Variants in ZFHX3 observed in about 807,000 individuals in gnomAD.
ZFHX3 encodes zinc finger homeobox protein 3.
Under a neutral mutation model 279.1 loss-of-function variants are expected in ZFHX3, and 42 were observed. The observed-to-expected ratio is 0.15, with a 90% CI of 0.12 to 0.19. The LOEUF is 0.19. Among genes scored for constraint, ZFHX3 ranks in the 10% least tolerant of loss-of-function variants. The pLI, the probability that ZFHX3 is intolerant of heterozygous loss-of-function variation, is 1.00. For missense variants in ZFHX3, 4,981 were observed against 4,754.0 expected (o/e 1.05, Z -1.40); for synonymous variants, 2,293 against 1,957.8 (o/e 1.17, Z -4.52).
intron 3 of ZFHX3, among the ~76,000 whole-genome samples, chr16:72,946,539 T>C (rs1960685963): frequency 6.6e-6 from 1 of 151,890 alleles, no homozygotes; most frequent in South Asian, 2.1e-4. Context: ...ATGGTGGGAG[T>C]GTGCACTGAT....
At chr16:73,549,356 T>C (rs1451773293) in intron 2 of ZFHX3, among the ~76,000 whole-genome samples, 1 of 152,148 alleles carries the variant, frequency 6.6e-6, no homozygotes, top group Non-Finnish European at 1.5e-5. Context: ...TATATATTTT[T>C]ATCCACATCA....
At chr16:73,007,988 A>G (rs1963775849) in intron 1 of ZFHX3, among the ~76,000 whole-genome samples, 1 of 152,066 alleles carries the variant, frequency 6.6e-6, no homozygotes, top group East Asian at 1.9e-4. Context: ...TCTTTTCTTA[A>G]TTAAACATGA....
intron 5 of ZFHX3, among the ~76,000 whole-genome samples, chr16:73,193,608 C>A (rs903791784): frequency 2.6e-5 from 4 of 152,154 alleles, no homozygotes; most frequent in South Asian, 2.1e-4. Context: ...GTTCCTTAGA[C>A]CCTCAGTTCT....
intron 7 of ZFHX3, chr16:72,807,865 A>G (rs1597257849): frequency 6.6e-6 from 1 of 152,182 alleles, no homozygotes; most frequent in Admixed American, 6.5e-5. Context: ...AAGAAGATTC[A>G]CTCTTGCTGC....
intron 3 of ZFHX3, among the ~76,000 whole-genome samples, chr16:73,440,037 G>A (rs749707771): frequency 9.9e-5 from 15 of 151,844 alleles, no homozygotes; most frequent in South Asian, 4.2e-4. Context: ...AGTCAAGTGC[G>A]TTGTTCACAG....
intron 1 of ZFHX3, among the ~76,000 whole-genome samples, chr16:73,803,942 T>C (rs1047207880): frequency 5.3e-5 from 8 of 152,146 alleles, no homozygotes; most frequent in African/African-American, 1.9e-4. Context: ...TGCAGATGGC[T>C]TGAGCCCAGG....
intron 3 of ZFHX3, among the ~76,000 whole-genome samples, chr16:73,334,841 A>C (rs1451987621): frequency 5.3e-5 from 3 of 56,850 alleles, no homozygotes; most frequent in South Asian, 6.4e-4. Flanking sequence ...TTTTTTGCAA[A>C]ATGAATGCTT....
rs560021000 is a variant in ZFHX3, at chr16:73,556,891, C to G, written c.-1546-100633G>C. Reference sequence around the variant, plus strand: ...CAGGCAGATCACGAGGTCAAGGGATCGAGACCATCCTGGCTCACATGGTGA... The same window carrying G: ...CAGGCAGATCACGAGGTCAAGGGATGGAGACCATCCTGGCTCACATGGTGA... On this transcript the variant is annotated intron_variant, in intron 2 of 17. Coordinates refer to the ZFHX3 transcript ENST00000641206. Among the ~76,000 whole-genome samples, 152 of 151,794 alleles carry G rather than the reference C, an allele frequency of 1.0e-3. 2 individuals are homozygous for G. The South Asian group carries it at 0.031, about 31-fold the overall frequency.
chr16:73,865,315 G>A (rs183772049), intron 1 of ZFHX3, among the ~76,000 whole-genome samples: 59 of 152,304 alleles, frequency 3.9e-4, no homozygotes, highest in African/African-American at 1.3e-3. Context: ...TGGAATCTAT[G>A]CAAATAGGCC....
At chr16:72,962,880 GA>G (rs1392958870) in intron 1 of ZFHX3, among the ~76,000 whole-genome samples, 6 of 152,202 alleles carry the variant, frequency 3.9e-5, no homozygotes, top group Admixed American at 6.5e-5. Context: ...AGATGGAGAA[GA>G]GGGGGACGCG....
chr16:73,566,481 C>T (rs893720231), intron 2 of ZFHX3, among the ~76,000 whole-genome samples: 3 of 152,160 alleles, frequency 2.0e-5, no homozygotes, highest in Non-Finnish European at 4.4e-5. Context: ...ATGCCACACT[C>T]CTAGCTTCTG....
chr16:73,330,607 G>C lies in ZFHX3; in HGVS notation c.-1290-12271C>G, dbSNP rs545854711. Among the ~76,000 whole-genome samples, 3 of 152,282 alleles carry C rather than the reference G, an allele frequency of 2.0e-5. No homozygotes were observed. In the East Asian group the frequency reaches 5.8e-4, roughly 29 times the overall value. On this transcript the variant is annotated intron_variant, in intron 3 of 17. Transcript: ENST00000641206. ...TGGCTGAACTTTGAAGTGGGCTTGA[G>C]CAAGAAAAAGCTTCTAGGCTGATGG...
At chr16:72,863,460 A>C (rs2037935957) in intron 4 of ZFHX3, among the ~76,000 whole-genome samples, 1 of 151,792 alleles carries the variant, frequency 6.6e-6, no homozygotes, top group Admixed American at 6.6e-5. Flanking sequence ...CAAGGCTGTA[A>C]AGAGCTATGA....
intron 1 of ZFHX3, among the ~76,000 whole-genome samples, chr16:73,031,993 G>GA (rs980631848): frequency 7.9e-4 from 117 of 148,264 alleles, no homozygotes; most frequent in African/African-American, 1.6e-3. Context: ...AGCCCCTAAA[G>GA]AAAAAAAAAA....
intron 1 of ZFHX3, among the ~76,000 whole-genome samples, chr16:73,729,553 CCA>C (rs1491487857): frequency 6.4e-4 from 20 of 31,224 alleles, no homozygotes; most frequent in East Asian, 1.3e-3. Flanking sequence ...AACAAACAAA[CCA>C]AAAAAAAAAA....
intron 3 of ZFHX3, among the ~76,000 whole-genome samples, chr16:72,932,269 T>A (rs1018995093): frequency 6.6e-6 from 1 of 152,132 alleles, no homozygotes; most frequent in East Asian, 1.9e-4. Flanking sequence ...TGGGACAATA[T>A]GATAAAATTA....
chr16:73,385,991 G>C (rs1301565224), intron 3 of ZFHX3, among the ~76,000 whole-genome samples: 2 of 152,048 alleles, frequency 1.3e-5, no homozygotes, highest in East Asian at 1.9e-4. Flanking sequence ...TGAAATGGTG[G>C]GGGGTGGGGG....
intron 2 of ZFHX3, among the ~76,000 whole-genome samples, chr16:73,466,220 G>T (rs904245481): frequency 6.6e-6 from 1 of 152,016 alleles, no homozygotes; most frequent in Non-Finnish European, 1.5e-5. Context: ...GGTGGCTCAT[G>T]CCTGTAATCC....
intron 1 of ZFHX3, among the ~76,000 whole-genome samples, chr16:73,839,697 G>T (rs539283549): frequency 9.2e-4 from 140 of 152,288 alleles, no homozygotes; most frequent in Non-Finnish European, 1.7e-3. Context: ...AAAGAAGGAG[G>T]TACCCAAAGC....
Sources: gnomAD v4.1 joint callset for allele counts (sites outside exome capture counted in the v4.1 genomes callset) on GRCh38, gnomAD v4.1.1 for gene constraint, MANE v1.5 for transcripts, NCBI Gene and HGNC (gene_info 2026-07-23, HGNC 2026-07-21) for gene names.